Variants in STRBP observed in about 807,000 individuals in gnomAD.
STRBP encodes the protein spermatid perinuclear RNA binding protein.
A neutral mutation model predicts 80.1 loss-of-function variants in STRBP; 13 were observed. The observed-to-expected ratio is 0.16, with a 90% CI of 0.11 to 0.26. The LOEUF (loss-of-function observed/expected upper bound fraction) is 0.26. STRBP is among the 10% of genes least tolerant of loss of function. The pLI is 1.00. For synonymous variants in STRBP, 284 were observed against 291.2 expected (o/e 0.98, Z 0.25); for missense variants, 485 against 815.2 (o/e 0.59, Z 4.93).
At chr9:123,218,743 C>A (rs944152839) in intron 2 of STRBP, among the ~76,000 whole-genome samples, 4 of 152,080 alleles carry the variant, frequency 2.6e-5, no homozygotes, top group Non-Finnish European at 4.4e-5. Flanking sequence ...GGTTAATTAT[C>A]CCATATATAT....
intron 17 of STRBP, among the ~76,000 whole-genome samples, chr9:123,130,815 C>T (rs2036104273): frequency 6.6e-6 from 1 of 152,148 alleles, no homozygotes; most frequent in Non-Finnish European, 1.5e-5. Context: ...ATCCTTGAAA[C>T]ATCACTCTTC....
downstream of STRBP, among the ~76,000 whole-genome samples, chr9:123,120,482 CGGGGGGGTGGGGGG>C (rs1183408099): frequency 3.7e-4 from 2 of 5,424 alleles, no homozygotes; most frequent in African/African-American, 1.1e-3. Flanking sequence ...TAATTGCGGG[CGGGGGGGTGGGGGG>C]GGGGGGGCAG....
At chr9:123,254,456 C>CAAAAAAAAAAAAAA (rs1205708821) in intron 1 of STRBP, among the ~76,000 whole-genome samples, 51 of 65,486 alleles carry the variant, frequency 7.8e-4, no homozygotes, top group Non-Finnish European at 1.5e-3. Flanking sequence ...GACTCCGTCT[C>CAAAAAAAAAAAAAA]AAAAAAAAAA....
chr9:123,227,165 G>C (rs377179529), intron 2 of STRBP, among the ~76,000 whole-genome samples: 32 of 152,230 alleles, frequency 2.1e-4, no homozygotes, highest in African/African-American at 7.2e-4. Flanking sequence ...ATAAACATAA[G>C]TCAATAATGT....
At chr9:123,155,951 G>T (rs993317347) in intron 11 of STRBP, among the ~76,000 whole-genome samples, 22 of 151,980 alleles carry the variant, frequency 1.4e-4, no homozygotes, top group Non-Finnish European at 2.4e-4. Context: ...AAATGGTAAA[G>T]TGACTTGCCC....
At chr9:123,263,296 C>A (rs146669845) in intron 1 of STRBP, among the ~76,000 whole-genome samples, 3 of 152,176 alleles carry the variant, frequency 2.0e-5, no homozygotes, top group African/African-American at 7.2e-5. Context: ...ACAGGAGGAT[C>A]GCTTGAGCCC....
chr9:123,139,336 A>C (rs531218692), intron 14 of STRBP, among the ~76,000 whole-genome samples, 193 bp downstream of exon 14: 31 of 152,372 alleles, frequency 2.0e-4, no homozygotes, highest in African/African-American at 7.5e-4. Flanking sequence ...ACTGCATGAA[A>C]AGATGACTGC....
downstream of STRBP, among the ~76,000 whole-genome samples, chr9:123,117,446 A>C (rs184084560): frequency 6.6e-6 from 1 of 152,308 alleles, no homozygotes; most frequent in African/African-American, 2.4e-5. Context: ...CAACACGCTC[A>C]ACAGGGTGGT....
At chr9:123,176,784 A>AC (rs1004457498) in intron 4 of STRBP, among the ~76,000 whole-genome samples, 1 of 152,220 alleles carries the variant, frequency 6.6e-6, no homozygotes, top group Non-Finnish European at 1.5e-5. Flanking sequence ...AAAAATTGGA[A>AC]CATAGCAGTT....
At chr9:123,214,875 T>C (rs975611692) in intron 2 of STRBP, among the ~76,000 whole-genome samples, 5 of 152,218 alleles carry the variant, frequency 3.3e-5, no homozygotes, top group African/African-American at 1.2e-4. Flanking sequence ...GCTGATTTTT[T>C]AAAACAAAAT....
In STRBP at chr9:123,161,059, G is replaced by A. The variant is rs374006039; in HGVS notation, c.545C>T (p.Ser182Leu). The A allele has an allele frequency of 1.5e-4, 236 of 1,598,362 alleles. No individual in the cohort carries two copies. Among genetic ancestry groups the A allele is most frequent in the South Asian group, 3.3e-4 (29 of 88,346 alleles). ...ELEKKDGENVSMKDPPDLLDR... is the reference protein window; with the variant it reads ...ELEKKDGENVLMKDPPDLLDR... ...CAATAAGTCCGGAGGATCTTTCATC[G>A]AAACATTTTCTAACAGTAAAATGGG... Residue 182 changes from serine to leucine, a missense_variant, in exon 7 of 19, where the codon TCG becomes TTG. Transcript: ENST00000348403.
At chr9:123,125,712 T>C (rs951130022) in intron 18 of STRBP, 39 bp from the exon 19 acceptor site, 2 of 1,494,960 alleles carry the variant, frequency 1.3e-6, no homozygotes, top group East Asian at 2.3e-5. Flanking sequence ...CAAATAAGTT[T>C]TAATACTCCA....
intron 2 of STRBP, among the ~76,000 whole-genome samples, chr9:123,198,024 G>A (rs2039168931): frequency 6.6e-6 from 1 of 152,036 alleles, no homozygotes; most frequent in African/African-American, 2.4e-5. Flanking sequence ...GTATCTCACT[G>A]TGGTTTTAAT....
chr9:123,173,222 A>G (rs988354302), intron 5 of STRBP, among the ~76,000 whole-genome samples: 3 of 152,224 alleles, frequency 2.0e-5, no homozygotes, highest in African/African-American at 7.2e-5. Context: ...ATTTCCATTA[A>G]CAGAACAAAG....
chr9:123,241,718 T>G (rs1305274457), intron 1 of STRBP, among the ~76,000 whole-genome samples: 1 of 152,184 alleles, frequency 6.6e-6, no homozygotes, highest in Non-Finnish European at 1.5e-5. Context: ...AAATATATCC[T>G]GAATCCTTTC....
chr9:123,166,391 C>T (rs1241694665), intron 6 of STRBP, among the ~76,000 whole-genome samples: 1 of 152,132 alleles, frequency 6.6e-6, no homozygotes, highest in African/African-American at 2.4e-5. Flanking sequence ...AAACAACTTT[C>T]TAAGGTATTT....
intron 2 of STRBP, among the ~76,000 whole-genome samples, chr9:123,217,053 T>C (rs2039922222): frequency 1.3e-5 from 2 of 152,330 alleles, no homozygotes; most frequent in Non-Finnish European, 1.5e-5. Context: ...CAACTAAAAA[T>C]TGAGTTCCGA....
Position 123,132,951 on chromosome 9 carries a change from A to C in STRBP, c.1791T>G (p.Asn597Lys), listed in dbSNP as rs1384739673. 9.9e-6 allele frequency: 16 copies of C among 1,614,022 alleles called. No individual in the cohort carries two copies. Among genetic ancestry groups the C allele is most frequent in the Non-Finnish European group, 1.3e-5 (15 of 1,179,924 alleles). Residue 597 changes from asparagine (N) to lysine (K), a missense_variant, in exon 17 of 19, where the codon AAT becomes AAG. Asn to Lys is a moderately conservative substitution (Grantham distance 94, BLOSUM62 0). This residue lies in a region of STRBP where 85 missense variants were observed against 120.1 expected (regional missense o/e 0.71). Coordinates refer to ENST00000348403, the MANE Select transcript of STRBP (RefSeq NM_018387.5). ...CTTGGACTGCTGCAGACACAGCTGT[A>C]TTCACAACGCCCTTTGCCTGTTAAA... Reference protein sequence around the residue: ...KIIPQAKGVVNTAVSAAVQAV... With the variant: ...KIIPQAKGVVKTAVSAAVQAV...
At chr9:123,192,048 A>G (rs2038944037) in intron 2 of STRBP, among the ~76,000 whole-genome samples, 1 of 152,246 alleles carries the variant, frequency 6.6e-6, no homozygotes, top group African/African-American at 2.4e-5. Context: ...AACTGGAGGC[A>G]TCAGGATTGA....
Sources: gnomAD v4.1 joint callset for allele counts (sites outside exome capture counted in the v4.1 genomes callset) on GRCh38, gnomAD v4.1.1 for gene constraint, gnomAD v4.1.1 regional missense constraint, MANE v1.5 for transcripts, NCBI Gene and HGNC (gene_info 2026-07-23, HGNC 2026-07-21) for gene names.